GRM1: variants seen among roughly 807,000 people sequenced by gnomAD.
The protein encoded by GRM1 is glutamate metabotropic receptor 1, also known as metabotropic glutamate receptor 1.
In GRM1, 33 loss-of-function variants were observed where a neutral mutation model predicts 90.9. The observed-to-expected ratio is 0.36, with a 90% CI of 0.28 to 0.49. GRM1 has a LOEUF of 0.49. Ranked by LOEUF, GRM1 falls within the 20% of genes least tolerant of loss-of-function variation. The pLI is 0.99. For missense variants in GRM1, 1,190 were observed against 1,534.3 expected (o/e 0.78, Z 3.75); for synonymous variants, 700 against 613.2 (o/e 1.14, Z -2.09).
intron 1 of GRM1, among the ~76,000 whole-genome samples, chr6:146,064,937 G>A (rs1775798187): frequency 6.6e-6 from 1 of 150,632 alleles, no homozygotes; most frequent in African/African-American, 2.5e-5. Flanking sequence ...AATACTAGAT[G>A]GCAGTTTGCA....
chr6:146,161,856 C>G (rs937176944), intron 2 of GRM1, among the ~76,000 whole-genome samples: 1 of 152,162 alleles, frequency 6.6e-6, no homozygotes, highest in Non-Finnish European at 1.5e-5. Flanking sequence ...CCATGACATT[C>G]AGATATGAGT....
rs1187306001 is a variant in GRM1 at position 146,237,826 on chromosome 6, T to A, written c.951-66785T>A. ...TGACTTATGATTGGGTATTCAGGGT[T>A]GATCCAATTTCATTGTTTTACAAGG... On this transcript the variant is annotated intron_variant, in intron 2 of 7. Transcript: ENST00000282753. Among the ~76,000 whole-genome samples the A allele has an allele frequency of 5.9e-5, 9 of 152,300 alleles. No homozygotes were observed. In the East Asian group the frequency reaches 1.7e-3, roughly 29 times the overall value.
At chr6:146,119,666 C>T (rs1775905549) in intron 1 of GRM1, among the ~76,000 whole-genome samples, 1 of 152,136 alleles carries the variant, frequency 6.6e-6, no homozygotes, top group Admixed American at 6.5e-5. Flanking sequence ...TATGATTAGC[C>T]AGTTTTCCCA....
chr6:146,396,451 T>C (rs771258537), intron 6 of GRM1, among the ~76,000 whole-genome samples: 3 of 152,182 alleles, frequency 2.0e-5, no homozygotes, highest in Non-Finnish European at 2.9e-5. Flanking sequence ...CCTACCACTT[T>C]TGGCAAATTG....
intron 2 of GRM1, among the ~76,000 whole-genome samples, chr6:146,169,160 A>G (rs1300391709): frequency 1.3e-5 from 2 of 152,104 alleles, no homozygotes; most frequent in African/African-American, 2.4e-5. Context: ...TTCTATTGCT[A>G]TAACTTTGAG....
At chr6:146,090,350 A>T (rs1458074578) in intron 1 of GRM1, among the ~76,000 whole-genome samples, 2 of 152,122 alleles carry the variant, frequency 1.3e-5, no homozygotes, top group African/African-American at 4.8e-5. Flanking sequence ...CAGCATATTT[A>T]GTACTATTTA....
intron 1 of GRM1, among the ~76,000 whole-genome samples, chr6:146,142,917 A>G (rs9497459): frequency 0.013 from 2,032 of 152,270 alleles, 48 homozygotes; most frequent in African/African-American, 0.048. Context: ...TTAGGCTGCA[A>G]CACAATGTCC....
At chr6:146,218,697 G>A (rs1357633745) in intron 2 of GRM1, among the ~76,000 whole-genome samples, 4 of 152,076 alleles carry the variant, frequency 2.6e-5, no homozygotes, top group East Asian at 1.9e-4. Flanking sequence ...GCCATAAAAC[G>A]TCAGCTTCTG....
At chr6:146,206,628 T>C (rs954013539) in intron 2 of GRM1, among the ~76,000 whole-genome samples, 1 of 152,022 alleles carries the variant, frequency 6.6e-6, no homozygotes, top group East Asian at 1.9e-4. Context: ...TGTTTTTTTT[T>C]TTCTTTTTAA....
chr6:146,050,094 A>C (rs766511679), intron 1 of GRM1, among the ~76,000 whole-genome samples: 9 of 151,976 alleles, frequency 5.9e-5, no homozygotes, highest in Admixed American at 1.3e-4. Flanking sequence ...GAGTAAGGAA[A>C]ATGTAAATAA....
At chr6:146,328,373 G>C (rs1784470726) in intron 3 of GRM1, among the ~76,000 whole-genome samples, 1 of 152,032 alleles carries the variant, frequency 6.6e-6, no homozygotes. Context: ...CACTGACCTA[G>C]GTCTGTACCC....
At chr6:146,289,443 T>C (rs1001896475) in intron 2 of GRM1, among the ~76,000 whole-genome samples, 6 of 152,196 alleles carry the variant, frequency 3.9e-5, no homozygotes, top group Non-Finnish European at 8.8e-5. Flanking sequence ...CTAAGTGTTA[T>C]TATGAAAGAG....
At chr6:146,334,685 A>C (rs1352825943) in intron 3 of GRM1, among the ~76,000 whole-genome samples, 1 of 152,168 alleles carries the variant, frequency 6.6e-6, no homozygotes, top group Non-Finnish European at 1.5e-5. Flanking sequence ...CCACCAGCTT[A>C]TGTCTGGCCA....
At chr6:146,147,179 G>T (rs1304882979) in intron 1 of GRM1, among the ~76,000 whole-genome samples, 1 of 152,198 alleles carries the variant, frequency 6.6e-6, no homozygotes, top group Non-Finnish European at 1.5e-5. Flanking sequence ...ACAAAAGTGA[G>T]TATTTTTTAT....
intron 2 of GRM1, among the ~76,000 whole-genome samples, chr6:146,297,185 G>T (rs1414194485): frequency 6.6e-6 from 1 of 150,442 alleles, no homozygotes; most frequent in Non-Finnish European, 1.5e-5. Context: ...TTTTGAGATG[G>T]AGTCTCACTC....
At chr6:146,094,692 C>G (rs1177071427) in intron 1 of GRM1, among the ~76,000 whole-genome samples, 1 of 151,998 alleles carries the variant, frequency 6.6e-6, no homozygotes, top group African/African-American at 2.4e-5. Flanking sequence ...CTCAGAGACT[C>G]ATTTTAGACT....
chr6:146,255,562 T>C (rs570445447), intron 2 of GRM1, among the ~76,000 whole-genome samples: 8 of 152,254 alleles, frequency 5.3e-5, no homozygotes, highest in African/African-American at 1.9e-4. Flanking sequence ...ATCCCTCAAA[T>C]TTTAAGGTGT....
At chr6:146,373,949 G>A (rs1013209468) in intron 5 of GRM1, among the ~76,000 whole-genome samples, 2 of 152,094 alleles carry the variant, frequency 1.3e-5, no homozygotes, top group African/African-American at 4.8e-5. Context: ...CCACATCTTA[G>A]AGGAAAGGCT....
At chr6:146,129,746 A>G (rs1308620323) in intron 1 of GRM1, among the ~76,000 whole-genome samples, 1 of 152,148 alleles carries the variant, frequency 6.6e-6, no homozygotes, top group African/African-American at 2.4e-5. Context: ...GGATCTCCCT[A>G]TGGCAGACAC....
Sources: gnomAD v4.1 joint callset for allele counts (sites outside exome capture counted in the v4.1 genomes callset) on GRCh38, gnomAD v4.1.1 for gene constraint, MANE v1.5 for transcripts, NCBI Gene and HGNC (gene_info 2026-07-23, HGNC 2026-07-21) for gene names.